Variants in PPFIBP1 observed in about 807,000 individuals in gnomAD.
PPFIBP1 encodes liprin-beta-1.
Under a neutral mutation model 137.8 loss-of-function variants are expected in PPFIBP1, and 112 were observed. The ratio of observed to expected loss-of-function variants is 0.81; its 90% confidence interval spans 0.70 to 0.95. The LOEUF (loss-of-function observed/expected upper bound fraction) is 0.95, where lower values mean the gene tolerates loss of function less well. Among genes scored for constraint, PPFIBP1 ranks in the 40% least tolerant of loss-of-function variants. PPFIBP1 has a pLI of 0.00. For synonymous variants in PPFIBP1, 378 were observed against 417.3 expected, an observed-to-expected ratio of 0.91 and a Z score of 1.15; for missense variants, 1,083 against 1,196.6, an observed-to-expected ratio of 0.91 and a Z score of 1.40.
At chr12:27,554,552 G>A (rs370493260) in intron 1 of PPFIBP1, among the ~76,000 whole-genome samples, 1 of 152,074 alleles carries the variant, frequency 6.6e-6, no homozygotes, top group Non-Finnish European at 1.5e-5. Flanking sequence ...TGTATGTCAC[G>A]CTGTGAATAT....
chr12:27,553,044 G>A (rs1003013798), intron 1 of PPFIBP1, among the ~76,000 whole-genome samples: 2 of 152,128 alleles, frequency 1.3e-5, no homozygotes, highest in Non-Finnish European at 2.9e-5. Flanking sequence ...TTACAAGGAA[G>A]TGCACGCAGA....
intron 2 of PPFIBP1, among the ~76,000 whole-genome samples, chr12:27,584,929 T>C (rs1294442607): frequency 6.6e-6 from 1 of 152,230 alleles, no homozygotes; most frequent in African/African-American, 2.4e-5. Context: ...TTCTTAGTGA[T>C]GCCTGATGGC....
chr12:27,547,048 T>C (rs1946304040), intron 1 of PPFIBP1: 1 of 152,184 alleles, frequency 6.6e-6, no homozygotes, highest in African/African-American at 2.4e-5. Context: ...GAATAAAGTG[T>C]TCAGGACTCA....
At chr12:27,663,361 G>T (rs1213516304) in intron 11 of PPFIBP1, among the ~76,000 whole-genome samples, 2 of 152,200 alleles carry the variant, frequency 1.3e-5, no homozygotes, top group African/African-American at 2.4e-5. Context: ...AGCAAAGAGG[G>T]TCATGGACAG....
At chr12:27,559,964 A>G (rs2049025889) in intron 1 of PPFIBP1, among the ~76,000 whole-genome samples, 1 of 152,252 alleles carries the variant, frequency 6.6e-6, no homozygotes, top group South Asian at 2.1e-4. Flanking sequence ...TTTGAATTAG[A>G]ATGTACCATG....
chr12:27,549,513 G>A (rs1946552813), intron 1 of PPFIBP1: 1 of 151,072 alleles, frequency 6.6e-6, no homozygotes, highest in Admixed American at 6.6e-5. Flanking sequence ...TGTGTACTAT[G>A]CAGAGAGAAA....
chr12:27,639,836 G>A (rs895315912), intron 4 of PPFIBP1, among the ~76,000 whole-genome samples: 15 of 152,002 alleles, frequency 9.9e-5, no homozygotes, highest in African/African-American at 3.6e-4. Flanking sequence ...GTTCAGCCAC[G>A]GGACATGCTC....
At chr12:27,543,497 G>A (rs190448232) in intron 1 of PPFIBP1, among the ~76,000 whole-genome samples, 60 of 152,258 alleles carry the variant, frequency 3.9e-4, no homozygotes, top group African/African-American at 1.3e-3. Context: ...CTTTAGATCC[G>A]TTGCCCTATG....
intron 27 of PPFIBP1, among the ~76,000 whole-genome samples, chr12:27,691,019 T>C (rs1241036833): frequency 1.3e-5 from 2 of 150,774 alleles, no homozygotes; most frequent in African/African-American, 4.9e-5. Context: ...TTTTACCCCC[T>C]CTATCTGCCT....
intron 2 of PPFIBP1, among the ~76,000 whole-genome samples, chr12:27,606,017 C>A (rs12817722): frequency 0.11 from 16,295 of 152,000 alleles, 968 homozygotes; most frequent in African/African-American, 0.13. Flanking sequence ...GTTTCCATTA[C>A]ACAGCTTAGT....
At chr12:27,661,757 A>G (rs925597559) in intron 11 of PPFIBP1, among the ~76,000 whole-genome samples, 1 of 152,144 alleles carries the variant, frequency 6.6e-6, no homozygotes, top group South Asian at 2.1e-4. Context: ...TTTTTCTCCC[A>G]TCGTAAGTTT....
chr12:27,598,365 C>G (rs1441056401), intron 2 of PPFIBP1, among the ~76,000 whole-genome samples: 2 of 152,160 alleles, frequency 1.3e-5, no homozygotes, highest in Non-Finnish European at 2.9e-5. Flanking sequence ...ATAAAACCAT[C>G]AGATCTCATG....
intron 1 of PPFIBP1, among the ~76,000 whole-genome samples, chr12:27,565,754 G>A (rs2049594582): frequency 6.6e-6 from 1 of 152,154 alleles, no homozygotes; most frequent in Non-Finnish European, 1.5e-5. Context: ...AACACCTACA[G>A]TCGTTTGTCT....
chr12:27,596,807 A>G (rs1362619158), intron 2 of PPFIBP1, among the ~76,000 whole-genome samples: 1 of 152,236 alleles, frequency 6.6e-6, no homozygotes. Flanking sequence ...GCCCCATTCA[A>G]TAGAAAGAGG....
chr12:27,633,232 C>G (rs2057383553), intron 2 of PPFIBP1, 130 bp from the exon 3 acceptor site: 1 of 631,518 alleles, frequency 1.6e-6, no homozygotes. Context: ...CCACAGCTTG[C>G]TACTCCACTA....
intron 2 of PPFIBP1, among the ~76,000 whole-genome samples, chr12:27,598,010 A>G (rs1273561149): frequency 2.0e-5 from 3 of 151,948 alleles, no homozygotes; most frequent in Non-Finnish European, 4.4e-5. Flanking sequence ...TCACCATGTC[A>G]GCCAGGCTGG....
chr12:27,665,329 A>G (rs1010541536), intron 12 of PPFIBP1, among the ~76,000 whole-genome samples: 2 of 152,142 alleles, frequency 1.3e-5, no homozygotes, highest in Non-Finnish European at 2.9e-5. Context: ...GGAATATGTT[A>G]TGGTTGGATT....
At chr12:27,593,960 T>C (rs1372908012) in intron 2 of PPFIBP1, 13 of 1,446,002 alleles carry the variant, frequency 9.0e-6, no homozygotes, top group Non-Finnish European at 1.1e-5. Context: ...ACAGGGGAAA[T>C]AGCCCACAGA....
At chr12:27,670,650 C>A (rs947851258) in intron 13 of PPFIBP1, among the ~76,000 whole-genome samples, 2 of 152,002 alleles carry the variant, frequency 1.3e-5, no homozygotes, top group Non-Finnish European at 1.5e-5. Context: ...TGGTGGCGCA[C>A]GCCTGTAGTC....
Sources: allele counts gnomAD v4.1 joint callset (sites outside exome capture counted in the v4.1 genomes callset), GRCh38; gene constraint gnomAD v4.1.1; transcripts MANE v1.5; gene names NCBI Gene and HGNC (gene_info 2026-07-23, HGNC 2026-07-21).